Variants in ARHGEF7 observed in about 807,000 individuals in gnomAD.
The protein encoded by ARHGEF7 is Rho guanine nucleotide exchange factor 7, also known as PAK-interacting exchange factor beta.
A neutral mutation model predicts 109.8 loss-of-function variants in ARHGEF7; 33 were observed. That is an observed-to-expected ratio of 0.30 (90% CI 0.23 to 0.40). The LOEUF is 0.40. Among genes scored for constraint, ARHGEF7 ranks in the 10% least tolerant of loss-of-function variants. ARHGEF7 has a pLI of 1.00. For missense variants in ARHGEF7, 938 were observed against 1,098.5 expected (o/e 0.85, Z 2.07); for synonymous variants, 458 against 424.6 (o/e 1.08, Z -0.97).
chr13:111,163,708 ATTT>A lies in ARHGEF7; in HGVS notation c.252+9722_252+9724del, dbSNP rs1045480012. Among the ~76,000 whole-genome samples, 7 of 151,886 alleles carry A rather than the reference ATTT, an allele frequency of 4.6e-5. No individual in the cohort carries two copies. The South Asian group carries it at 6.2e-4, about 14-fold the overall frequency. ...ACCACTATGCCTGGCTAATTTTTGT[ATTT>A]TTTTGTAGAGATGAGGTTTTGCCAT... is the stretch of plus-strand genomic sequence containing the variant. On this transcript the variant is annotated intron_variant, in intron 2 of 21. Coordinates refer to ENST00000646102, the MANE Select transcript of ARHGEF7 (RefSeq NM_001354046.2).
At chr13:111,241,348 C>T in intron 6 of ARHGEF7, 2 of 1,535,938 alleles carry the variant, frequency 1.3e-6, no homozygotes. Flanking sequence ...TAAGTGGCAC[C>T]CCCGGCTGCG....
intron 6 of ARHGEF7, among the ~76,000 whole-genome samples, chr13:111,243,026 A>G (rs531800785): frequency 1.1e-4 from 16 of 152,350 alleles, no homozygotes; most frequent in African/African-American, 3.8e-4. Context: ...AGTACAGGGT[A>G]TTGGGAAACA....
intron 9 of ARHGEF7, among the ~76,000 whole-genome samples, chr13:111,268,476 A>C (rs886424623): frequency 6.6e-6 from 1 of 152,236 alleles, no homozygotes; most frequent in Non-Finnish European, 1.5e-5. Context: ...AGTAGCATAA[A>C]GATAAATGCC....
intron 2 of ARHGEF7, among the ~76,000 whole-genome samples, chr13:111,156,478 A>G (rs2076346792): frequency 6.6e-6 from 1 of 152,272 alleles, no homozygotes; most frequent in Admixed American, 6.5e-5. Context: ...AGGAGATAAT[A>G]AAAATGAAAA....
At chr13:111,182,676 C>T (rs72670038) in intron 2 of ARHGEF7, 3,342 of 152,344 alleles carry the variant, frequency 0.022, 67 homozygotes, top group Middle Eastern at 0.095. Context: ...GCTCTGCCCC[C>T]GCCATCGGGA....
intron 1 of ARHGEF7, among the ~76,000 whole-genome samples, chr13:111,124,908 C>T (rs1008475613): frequency 3.3e-5 from 5 of 152,078 alleles, no homozygotes; most frequent in Non-Finnish European, 7.4e-5. Context: ...TACAGGTGTG[C>T]GCCACCATGC....
At chr13:111,197,824 A>C (rs1397405726) in intron 2 of ARHGEF7, among the ~76,000 whole-genome samples, 1 of 152,136 alleles carries the variant, frequency 6.6e-6, no homozygotes, top group East Asian at 1.9e-4. Context: ...TCCTGAAACT[A>C]GAAAAGAACT....
chr13:111,159,191 A>G (rs2076564724), intron 2 of ARHGEF7: 1 of 655,692 alleles, frequency 1.5e-6, no homozygotes, highest in Non-Finnish European at 2.8e-6. Context: ...AGGTTCATTC[A>G]TTGTTGTTGC....
At chr13:111,281,809 G>A (rs1210328485) in intron 15 of ARHGEF7, among the ~76,000 whole-genome samples, 1 of 152,152 alleles carries the variant, frequency 6.6e-6, no homozygotes, top group Admixed American at 6.5e-5. Context: ...TGGTGGCTGG[G>A]AAGGCATCCC....
intron 1 of ARHGEF7, among the ~76,000 whole-genome samples, chr13:111,120,806 C>T (rs943078636): frequency 5.3e-5 from 8 of 152,240 alleles, no homozygotes; most frequent in African/African-American, 7.2e-5. Context: ...CGCTGTCCCT[C>T]GCAATACCCA....
At chr13:111,151,552 A>G (rs1019125208) in intron 1 of ARHGEF7, among the ~76,000 whole-genome samples, 3 of 152,160 alleles carry the variant, frequency 2.0e-5, no homozygotes, top group Non-Finnish European at 4.4e-5. Flanking sequence ...CATCTTTTCC[A>G]TAGCTTCATC....
At chr13:111,196,405 T>A (rs371257110) in intron 2 of ARHGEF7, among the ~76,000 whole-genome samples, 2 of 152,222 alleles carry the variant, frequency 1.3e-5, no homozygotes, top group East Asian at 1.9e-4. Context: ...CTGCATTCTT[T>A]TCATTAAAGA....
chr13:111,246,178 G>T (rs1224043473), intron 8 of ARHGEF7, among the ~76,000 whole-genome samples: 2 of 152,234 alleles, frequency 1.3e-5, no homozygotes, highest in Non-Finnish European at 2.9e-5. Flanking sequence ...GCACATGGAA[G>T]CTTTTAGGTT....
chr13:111,245,914 CA>C (rs2088760912), intron 8 of ARHGEF7, among the ~76,000 whole-genome samples: 1 of 152,178 alleles, frequency 6.6e-6, no homozygotes, highest in South Asian at 2.1e-4. Flanking sequence ...GAACATGTTC[CA>C]ATATCAAATG....
Position 111,209,854 on chromosome 13 carries a change from T to C in ARHGEF7, c.338-18T>C, listed in dbSNP as rs1008651040. On this transcript the variant is annotated intron_variant, in intron 3 of 21. Transcript: ENST00000646102. ...AGGCGCTCTCAGCTCTCTTTTTCTGTGTGCATGCTCTTTGCAGACATCGGG... is the reference window on the plus strand; with the variant it reads ...AGGCGCTCTCAGCTCTCTTTTTCTGCGTGCATGCTCTTTGCAGACATCGGG... 3.1e-6 allele frequency: 5 copies of C among 1,611,528 alleles called. No homozygotes were observed. The African/African-American group carries it at 6.7e-5, about 22-fold the overall frequency.
rs151190887 is a variant in ARHGEF7 at position 111,247,179 on chromosome 13, GACTT to G, written c.950+2890_950+2893del. ...GAAATTTTCATCATTTCCATTTTAAGACTTACTTTCGTCTTTTTGTCCTATATGT... is the reference window on the plus strand; with the variant it reads ...GAAATTTTCATCATTTCCATTTTAAGACTTTCGTCTTTTTGTCCTATATGT... On this transcript the variant is annotated intron_variant, in intron 8 of 21. Coordinates refer to ENST00000646102, the MANE Select transcript of ARHGEF7 (RefSeq NM_001354046.2). Among the ~76,000 whole-genome samples, 383 of 151,810 alleles carry G rather than the reference GACTT, an allele frequency of 2.5e-3. 4 individuals are homozygous for G. Among genetic ancestry groups the G allele is most frequent in the African/African-American group, 8.9e-3 (368 of 41,422 alleles).
chr13:111,295,183 G>A (rs556682520), intron 19 of ARHGEF7: 39 of 985,594 alleles, frequency 4.0e-5, no homozygotes, highest in Middle Eastern at 5.2e-4. Context: ...AATAAATTTT[G>A]CATTTGCTAG....
At chr13:111,165,700 C>T (rs753950926) in intron 2 of ARHGEF7, among the ~76,000 whole-genome samples, 68 of 152,110 alleles carry the variant, frequency 4.5e-4, no homozygotes, top group Admixed American at 1.7e-3. Flanking sequence ...TCCTGCACAG[C>T]GGTACAGCTG....
intron 2 of ARHGEF7, among the ~76,000 whole-genome samples, chr13:111,178,102 A>G (rs1339514969): frequency 6.6e-6 from 1 of 152,192 alleles, no homozygotes; most frequent in East Asian, 1.9e-4. Flanking sequence ...ATCATCTTTT[A>G]GTCATTGCTT....
Sources: allele counts gnomAD v4.1 joint callset (sites outside exome capture counted in the v4.1 genomes callset), GRCh38; gene constraint gnomAD v4.1.1; transcripts MANE v1.5; gene names NCBI Gene and HGNC (gene_info 2026-07-23, HGNC 2026-07-21).